The following ZNF569 variants were observed in gnomAD, a reference collection of about 807,000 sequenced individuals.
The protein encoded by ZNF569 is DNA-binding protein.
In ZNF569, 38 loss-of-function variants were observed where a neutral mutation model predicts 56.3. The observed-to-expected ratio is 0.68, with a 90% CI of 0.52 to 0.88. ZNF569 has a LOEUF of 0.88. Ranked by LOEUF, ZNF569 falls within the 40% of genes least tolerant of loss-of-function variation. The pLI is 0.00. For missense variants in ZNF569, 666 were observed against 809.2 expected (o/e 0.82, Z 2.15); for synonymous variants, 241 against 262.9 (o/e 0.92, Z 0.81).
At chr19:37,467,661 G>A (rs564214247), upstream of ZNF569, 31 of 599,002 alleles carry the variant, frequency 5.2e-5, no homozygotes, top group Non-Finnish European at 8.6e-5. Context: ...GTGAAGGCCG[G>A]GTCAGCTGGA....
intron 5 of ZNF569, among the ~76,000 whole-genome samples, chr19:37,423,696 A>G (rs140578482): frequency 1.3e-5 from 2 of 152,342 alleles, no homozygotes; most frequent in East Asian, 3.9e-4. Context: ...AAGAGTTCAT[A>G]CAAATTAAGA....
rs927579940 is a variant in ZNF569, at chr19:37,427,567, C to A, written c.16-1189G>T. On this transcript the variant is annotated intron_variant, in intron 3 of 5. Transcript: ENST00000316950. ...AAGAAAGTCTCCAATAGCTCGTTCA[C>A]AATGTATCTAAGAATTTGTTTCTAG... Among the ~76,000 whole-genome samples the A allele has an allele frequency of 2.6e-5, 4 of 152,302 alleles. No individual in the cohort carries two copies. In the East Asian group the frequency reaches 7.7e-4, roughly 29 times the overall value.
chr19:37,466,300 A>G (rs529457722), intron 1 of ZNF569, among the ~76,000 whole-genome samples: 19 of 152,346 alleles, frequency 1.2e-4, no homozygotes, highest in Non-Finnish European at 2.2e-4. Context: ...AAATAAATAA[A>G]TATTAAAGTG....
chr19:37,415,232 C>T (rs1300584586), intron 5 of ZNF569, among the ~76,000 whole-genome samples: 7 of 151,396 alleles, frequency 4.6e-5, no homozygotes, highest in Non-Finnish European at 1.0e-4. Context: ...ACATTTTTTC[C>T]AGGGATACGT....
At chr19:37,430,300 G>GA (rs1163548242) in intron 3 of ZNF569, among the ~76,000 whole-genome samples, 3 of 151,754 alleles carry the variant, frequency 2.0e-5, no homozygotes, top group African/African-American at 7.3e-5. Flanking sequence ...GAAAAGGACA[G>GA]AAAAAATCAA....
chr19:37,447,785 G>A (rs543052422), intron 2 of ZNF569, among the ~76,000 whole-genome samples: 11 of 152,300 alleles, frequency 7.2e-5, no homozygotes, highest in Non-Finnish European at 1.5e-4. Context: ...CTAGTTTGCT[G>A]AGGAGTTGCT....
intron 5 of ZNF569, among the ~76,000 whole-genome samples, chr19:37,417,545 G>T (rs996726061): frequency 3.3e-5 from 5 of 152,054 alleles, no homozygotes; most frequent in Non-Finnish European, 7.4e-5. Flanking sequence ...CACCACACCT[G>T]GCCAATTCCT....
chr19:37,442,166 T>A (rs1423994837), intron 3 of ZNF569, among the ~76,000 whole-genome samples: 1 of 152,168 alleles, frequency 6.6e-6, no homozygotes, highest in African/African-American at 2.4e-5. Flanking sequence ...ATAAGTGAGA[T>A]AAAATGTGAT....
intron 2 of ZNF569, among the ~76,000 whole-genome samples, chr19:37,454,534 A>C (rs1282578325): frequency 6.6e-6 from 1 of 152,024 alleles, no homozygotes; most frequent in East Asian, 1.9e-4. Context: ...CTAAACTGCA[A>C]TAGCTTTCTA....
At chr19:37,422,217 G>T (rs1455590592) in intron 5 of ZNF569, among the ~76,000 whole-genome samples, 1 of 152,100 alleles carries the variant, frequency 6.6e-6, no homozygotes, top group Non-Finnish European at 1.5e-5. Context: ...CCTTTCACTT[G>T]AACACTTAGA....
Position 37,439,782 on chromosome 19 carries a change from G to A in ZNF569, c.15+5125C>T, listed in dbSNP as rs116125699. On this transcript the variant is annotated intron_variant, in intron 3 of 5. Coordinates refer to ENST00000316950, the MANE Select transcript of ZNF569 (RefSeq NM_152484.3). Reference sequence around the variant, plus strand: ...CATGGATGCAACTGGAGATCATTACGTTAAGTGAAATAAGCTAGACACAGA... The same window carrying A: ...CATGGATGCAACTGGAGATCATTACATTAAGTGAAATAAGCTAGACACAGA... Among the ~76,000 whole-genome samples the A allele has an allele frequency of 7.1e-3, 1,085 of 152,266 alleles. 15 individuals are homozygous for A. The highest frequency in any genetic ancestry group is 0.024 in the African/African-American group (1,008 of 41,568).
chr19:37,420,397 TC>T (rs1452479978), intron 5 of ZNF569, among the ~76,000 whole-genome samples: 1 of 152,192 alleles, frequency 6.6e-6, no homozygotes, highest in African/African-American at 2.4e-5. Flanking sequence ...CAGTAGGACT[TC>T]TTTCAAAACT....
chr19:37,439,985 T>C (rs988694933), intron 3 of ZNF569, among the ~76,000 whole-genome samples: 5 of 152,204 alleles, frequency 3.3e-5, no homozygotes, highest in African/African-American at 7.2e-5. Context: ...TAATATTTGA[T>C]AGTGCAACAG....
chr19:37,413,422 A>G lies in ZNF569; in HGVS notation c.1236T>C (p.Cys412=). ...RSHTGEKPYE[C]KECRKAFSHK... is the part of the protein sequence containing the mutation. ...GGCTGAAGGCTTTTCTGCATTCCTT[A>G]CATTCATAGGGTTTCTCACCAGTGT... Residue 412 remains cysteine, a synonymous_variant, in exon 6 of 6, where the codon TGT becomes TGC. Coordinates refer to ENST00000316950, the MANE Select transcript of ZNF569 (RefSeq NM_152484.3). 6.2e-7 allele frequency: 1 copy of G among 1,613,592 alleles called. No homozygotes were observed. The highest frequency in any genetic ancestry group is 8.5e-7 in the Non-Finnish European group (1 of 1,179,856).
intron 2 of ZNF569, among the ~76,000 whole-genome samples, chr19:37,459,207 C>T (rs566986469): frequency 4.0e-5 from 6 of 151,508 alleles, no homozygotes; most frequent in Admixed American, 1.3e-4. Flanking sequence ...GCTGAGGAAG[C>T]GCAAAGAACA....
At chr19:37,437,566 C>T (rs920323774) in intron 3 of ZNF569, among the ~76,000 whole-genome samples, 2 of 152,158 alleles carry the variant, frequency 1.3e-5, no homozygotes, top group African/African-American at 4.8e-5. Context: ...ATATGATCTT[C>T]TGTTTGAAAA....
In ZNF569 at chr19:37,414,130, A is replaced by C. The variant is rs2040888276; in HGVS notation, c.528T>G (p.Asn176Lys). The C allele has an allele frequency of 6.2e-7, 1 of 1,613,736 alleles. No individual in the cohort carries two copies. Residue 176 changes from asparagine (N) to lysine (K), a missense_variant, in exon 6 of 6, where the codon AAT (asparagine) becomes AAG (lysine). Physicochemically the swap from Asn to Lys is moderately conservative, Grantham distance 94. Coordinates refer to ENST00000316950, the MANE Select transcript of ZNF569 (RefSeq NM_152484.3). Reference protein sequence around the residue: ...EYNEPVKSYGNSSSHFVITPF... With the variant: ...EYNEPVKSYGKSSSHFVITPF... ...GGGTAATGACAAAATGGGATGAGCT[A>C]TTACCATATGATTTCACAGGTTCAT...
At chr19:37,416,666 G>A (rs1348564683) in intron 5 of ZNF569, among the ~76,000 whole-genome samples, 1 of 151,774 alleles carries the variant, frequency 6.6e-6, no homozygotes. Context: ...TTGTTGTATT[G>A]TTATTTTTTG....
chr19:37,426,243 T>C lies in ZNF569; in HGVS notation c.142+9A>G, dbSNP rs368337278. ...CCAGAGTTTGAATTATATAGTAAAT[T>C]ACTCTTACCTACTGTGATTAAGTTG... On this transcript the variant is annotated intron_variant, in intron 4 of 5. Transcript: ENST00000316950. 6.9e-6 allele frequency: 11 copies of C among 1,597,706 alleles called. No homozygotes were observed. The African/African-American group carries it at 1.4e-4, about 20-fold the overall frequency.
Sources: gnomAD v4.1 joint callset for allele counts (sites outside exome capture counted in the v4.1 genomes callset) on GRCh38, gnomAD v4.1.1 for gene constraint, MANE v1.5 for transcripts, NCBI Gene and HGNC (gene_info 2026-07-23, HGNC 2026-07-21) for gene names.